CDC14A: variants seen among roughly 807,000 people sequenced by gnomAD.
The protein encoded by CDC14A is dual specificity protein phosphatase CDC14A.
CDC14A carries 53 observed loss-of-function variants against 74.4 expected under a neutral mutation model. The ratio of observed to expected loss-of-function variants is 0.71; its 90% CI spans 0.57 to 0.89. CDC14A has a LOEUF of 0.89. Ranked by LOEUF, CDC14A falls within the 40% of genes least tolerant of loss-of-function variation. The pLI, the probability that CDC14A is intolerant of heterozygous loss-of-function variation, is 0.00. For synonymous variants in CDC14A, 247 were observed against 258.4 expected (o/e 0.96, Z 0.43); for missense variants, 646 against 713.7 (o/e 0.91, Z 1.08).
chr1:100,388,046 C>G (rs547272957), intron 3 of CDC14A, among the ~76,000 whole-genome samples: 5 of 152,202 alleles, frequency 3.3e-5, no homozygotes, highest in African/African-American at 1.2e-4. Flanking sequence ...AATGATAATC[C>G]AGACTTGAAG....
chr1:100,462,608 A>T, intron 8 of CDC14A, 43 bp from the exon 9 acceptor site: 1 of 1,415,338 alleles, frequency 7.1e-7, no homozygotes. Flanking sequence ...GTTGTGGAAG[A>T]TGAAATGCAT....
intron 8 of CDC14A, among the ~76,000 whole-genome samples, chr1:100,456,291 T>A (rs72730158): frequency 4.6e-5 from 7 of 152,354 alleles, no homozygotes; most frequent in Non-Finnish European, 1.0e-4. Flanking sequence ...GTTTTCCCAT[T>A]AAGACTTATT....
intron 10 of CDC14A, among the ~76,000 whole-genome samples, chr1:100,472,288 G>A (rs1668471828): frequency 6.6e-6 from 1 of 152,076 alleles, no homozygotes; most frequent in Non-Finnish European, 1.5e-5. Flanking sequence ...GGAACAGTTG[G>A]GTATGTGTGC....
At chr1:100,436,935 T>C (rs141413301) in intron 5 of CDC14A, among the ~76,000 whole-genome samples, 1 of 152,294 alleles carries the variant, frequency 6.6e-6, no homozygotes, top group African/African-American at 2.4e-5. Context: ...CCTGTAATCC[T>C]AGCACTTTGG....
chr1:100,437,611 T>G (rs917581262), intron 5 of CDC14A, among the ~76,000 whole-genome samples: 8 of 152,210 alleles, frequency 5.3e-5, no homozygotes, highest in South Asian at 2.1e-4. Flanking sequence ...GGATGGCATG[T>G]TAACTTTCCC....
intron 7 of CDC14A, among the ~76,000 whole-genome samples, chr1:100,446,907 C>T (rs375596949): frequency 6.6e-6 from 1 of 152,116 alleles, no homozygotes; most frequent in African/African-American, 2.4e-5. Flanking sequence ...CCATGTTGCC[C>T]AGGTTGGTCT....
intron 5 of CDC14A, among the ~76,000 whole-genome samples, chr1:100,433,078 C>T (rs1663910465): frequency 6.6e-6 from 1 of 151,748 alleles, no homozygotes; most frequent in South Asian, 2.1e-4. Flanking sequence ...AGGGGTCTCC[C>T]TCTATTGTCC....
At chr1:100,488,866 G>C (rs1670331982) in intron 11 of CDC14A, among the ~76,000 whole-genome samples, 1 of 152,150 alleles carries the variant, frequency 6.6e-6, no homozygotes, top group Non-Finnish European at 1.5e-5. Context: ...CATTATGACA[G>C]TGAAGACCAG....
intron 11 of CDC14A, 104 bp from the exon 12 acceptor site, chr1:100,494,714 A>G (rs971098981): frequency 4.9e-6 from 3 of 610,104 alleles, no homozygotes; most frequent in Admixed American, 3.0e-5. Flanking sequence ...GACTTAATCT[A>G]TATTAAGATA....
chr1:100,412,765 A>ATT (rs1344226445), intron 4 of CDC14A, among the ~76,000 whole-genome samples: 1 of 101,294 alleles, frequency 9.9e-6, no homozygotes, highest in Non-Finnish European at 1.8e-5. Flanking sequence ...TTATATATAT[A>ATT]TATTATATAT....
chr1:100,420,725 C>T lies in CDC14A; in HGVS notation c.310-3497C>T, dbSNP rs148271590. ...GAATGGTAGTACATGGTGGTACCTACGGCAGAAGTTGGGAAAGTGCATGAT... is the reference window on the plus strand; with the variant it reads ...GAATGGTAGTACATGGTGGTACCTATGGCAGAAGTTGGGAAAGTGCATGAT... On this transcript the variant is annotated intron_variant, in intron 4 of 15. Coordinates refer to ENST00000336454, the MANE Select transcript of CDC14A (RefSeq NM_003672.4). Among the ~76,000 whole-genome samples the T allele has an allele frequency of 6.0e-4, 92 of 152,166 alleles. 1 individual carries two copies. Among genetic ancestry groups the T allele is most frequent in the African/African-American group, 2.0e-3 (83 of 41,520 alleles).
intron 5 of CDC14A, among the ~76,000 whole-genome samples, chr1:100,431,271 T>G (rs1182070460): frequency 6.6e-6 from 1 of 152,154 alleles, no homozygotes; most frequent in Non-Finnish European, 1.5e-5. Context: ...TTTGGTGATT[T>G]GTGTTGCGAA....
At chr1:100,451,734 ACTTTTT>A (rs1229247735) in intron 7 of CDC14A, among the ~76,000 whole-genome samples, 1 of 152,158 alleles carries the variant, frequency 6.6e-6, no homozygotes. Flanking sequence ...GTGTAATGTG[ACTTTTT>A]CTTTAATGGA....
At chr1:100,396,004 G>A (rs1036733257) in intron 4 of CDC14A, among the ~76,000 whole-genome samples, 1 of 152,108 alleles carries the variant, frequency 6.6e-6, no homozygotes, top group African/African-American at 2.4e-5. Flanking sequence ...GACCTTTGTT[G>A]CTTTATTTTC....
upstream of CDC14A, among the ~76,000 whole-genome samples, chr1:100,351,285 T>G (rs1193483247): frequency 6.6e-6 from 1 of 151,216 alleles, no homozygotes; most frequent in African/African-American, 2.4e-5. Context: ...TCTGCACGGG[T>G]GCGCCCCCTT....
intron 4 of CDC14A, among the ~76,000 whole-genome samples, chr1:100,405,773 C>T (rs1032468799): frequency 6.6e-6 from 1 of 152,180 alleles, no homozygotes; most frequent in African/African-American, 2.4e-5. Flanking sequence ...TTTATCCAGT[C>T]TATTATTGAT....
Position 100,426,880 on chromosome 1 carries a change from A to G in CDC14A, c.389+2579A>G, listed in dbSNP as rs553564022. 7.9e-5 allele frequency among the ~76,000 whole-genome samples: 12 copies of G among 152,356 alleles called. No homozygotes were observed. The East Asian group carries it at 2.1e-3, about 27-fold the overall frequency. ...TCTAAATCTAGAATCTTCATAAACC[A>G]TACATTTGAAACAGAAAATACCACA... On this transcript the variant is annotated intron_variant, in intron 5 of 15. Coordinates refer to ENST00000336454, the MANE Select transcript of CDC14A (RefSeq NM_003672.4).
chr1:100,414,002 A>T (rs1244511219), intron 4 of CDC14A, among the ~76,000 whole-genome samples: 1 of 152,206 alleles, frequency 6.6e-6, no homozygotes, highest in Non-Finnish European at 1.5e-5. Context: ...AGAAACTAAC[A>T]CACTTACTTA....
intron 5 of CDC14A, among the ~76,000 whole-genome samples, chr1:100,429,160 C>T (rs964564446): frequency 2.7e-5 from 4 of 148,610 alleles, no homozygotes; most frequent in East Asian, 2.0e-4. Context: ...GCCAAGATCG[C>T]GCCACTGCAC....
Sources: gnomAD v4.1 joint callset for allele counts (sites outside exome capture counted in the v4.1 genomes callset) on GRCh38, gnomAD v4.1.1 for gene constraint, MANE v1.5 for transcripts, NCBI Gene and HGNC (gene_info 2026-07-23, HGNC 2026-07-21) for gene names.